CTNNA2: variants seen among roughly 807,000 people sequenced by gnomAD.
CTNNA2 encodes catenin alpha 2.
CTNNA2 carries 42 observed loss-of-function variants against 101.0 expected under a neutral mutation model. The observed-to-expected ratio is 0.42, with a 90% CI of 0.32 to 0.54. The LOEUF is 0.54. CTNNA2 is among the 20% of genes least tolerant of loss of function. The pLI is 0.14. For synonymous variants in CTNNA2, 450 were observed against 456.4 expected (o/e 0.99, Z 0.18); for missense variants, 871 against 1,223.1 (o/e 0.71, Z 4.29).
At chr2:80,456,201 T>C (rs1338716148) in intron 9 of CTNNA2, among the ~76,000 whole-genome samples, 1 of 152,204 alleles carries the variant, frequency 6.6e-6, no homozygotes, top group Non-Finnish European at 1.5e-5. Flanking sequence ...ATTGGTGACA[T>C]GGAGTACCCG....
At chr2:80,204,731 T>C (rs1326570057) in intron 7 of CTNNA2, among the ~76,000 whole-genome samples, 3 of 152,188 alleles carry the variant, frequency 2.0e-5, no homozygotes, top group African/African-American at 7.2e-5. Context: ...TTTTTGGGTA[T>C]CTTTTCAGCA....
At chr2:80,119,363 C>T (rs1048894111) in intron 7 of CTNNA2, among the ~76,000 whole-genome samples, 1 of 152,090 alleles carries the variant, frequency 6.6e-6, no homozygotes, top group African/African-American at 2.4e-5. Context: ...TGCAGAGGGA[C>T]AGGGATTGGG....
At chr2:79,863,398 T>A (rs1039057084) in intron 4 of CTNNA2, among the ~76,000 whole-genome samples, 1 of 152,148 alleles carries the variant, frequency 6.6e-6, no homozygotes, top group Non-Finnish European at 1.5e-5. Flanking sequence ...TTGGGTCTCA[T>A]TGAACTAAAT....
intron 7 of CTNNA2, among the ~76,000 whole-genome samples, chr2:80,248,355 G>T (rs1671497380): frequency 6.6e-6 from 1 of 152,130 alleles, no homozygotes; most frequent in African/African-American, 2.4e-5. Flanking sequence ...TCAATCTCCT[G>T]CCAGAGGAAA....
chr2:79,747,846 T>C (rs1433113823), intron 3 of CTNNA2, among the ~76,000 whole-genome samples: 1 of 152,234 alleles, frequency 6.6e-6, no homozygotes, highest in Non-Finnish European at 1.5e-5. Context: ...ATCAGAAATG[T>C]TGTCTACGTG....
intron 2 of CTNNA2, chr2:79,687,431 T>A: frequency 2.0e-6 from 1 of 495,424 alleles, no homozygotes; most frequent in Non-Finnish European, 3.5e-6. Flanking sequence ...CCATAAAAGG[T>A]CATTTGGATC....
At chr2:80,440,016 A>G (rs1364228925) in intron 9 of CTNNA2, among the ~76,000 whole-genome samples, 5 of 152,222 alleles carry the variant, frequency 3.3e-5, no homozygotes, top group Admixed American at 2.6e-4. Context: ...ATAAATATAT[A>G]ACTTATGTAA....
chr2:80,295,206 T>C (rs1675633536), intron 7 of CTNNA2, among the ~76,000 whole-genome samples: 1 of 149,786 alleles, frequency 6.7e-6, no homozygotes, highest in Admixed American at 6.7e-5. Context: ...TAGTATGTCA[T>C]TTTGAGAGTC....
At chr2:80,306,227 G>A (rs1676931957) in intron 7 of CTNNA2, among the ~76,000 whole-genome samples, 1 of 152,150 alleles carries the variant, frequency 6.6e-6, no homozygotes, top group Non-Finnish European at 1.5e-5. Flanking sequence ...AAATGTCCTA[G>A]ACATCACATG....
intron 3 of CTNNA2, among the ~76,000 whole-genome samples, chr2:79,756,971 A>G (rs2105062580): frequency 6.6e-6 from 1 of 152,356 alleles, no homozygotes; most frequent in East Asian, 1.9e-4. Flanking sequence ...CAGATGCAAT[A>G]TGATATAGCC....
chr2:80,168,768 A>AT (rs991175969), intron 7 of CTNNA2, among the ~76,000 whole-genome samples: 6 of 151,314 alleles, frequency 4.0e-5, no homozygotes, highest in South Asian at 2.1e-4. Context: ...AGGTATATGT[A>AT]TTTTTTTTTC....
intron 3 of CTNNA2, among the ~76,000 whole-genome samples, chr2:79,764,911 AC>A (rs1673035537): frequency 6.6e-6 from 1 of 152,314 alleles, no homozygotes; most frequent in South Asian, 2.1e-4. Flanking sequence ...AAAGATGTGG[AC>A]CAAAACTTGA....
chr2:79,813,282 A>G (rs1350523173), intron 3 of CTNNA2, among the ~76,000 whole-genome samples: 1 of 152,208 alleles, frequency 6.6e-6, no homozygotes, highest in Admixed American at 6.5e-5. Flanking sequence ...GCAAAAATAG[A>G]CATCAGAAGG....
intron 4 of CTNNA2, among the ~76,000 whole-genome samples, chr2:79,428,545 G>T (rs972861168): frequency 6.6e-6 from 1 of 152,016 alleles, no homozygotes; most frequent in African/African-American, 2.4e-5. Flanking sequence ...AAATGAAGGT[G>T]GAGGTGGTAG....
intron 15 of CTNNA2, among the ~76,000 whole-genome samples, chr2:80,598,610 G>A (rs926170334): frequency 2.0e-5 from 3 of 152,110 alleles, no homozygotes; most frequent in Non-Finnish European, 1.5e-5. Flanking sequence ...ATTTGTAATA[G>A]TCCCACACTG....
At chr2:79,596,885 G>A (rs1305325661) in intron 1 of CTNNA2, among the ~76,000 whole-genome samples, 2 of 151,982 alleles carry the variant, frequency 1.3e-5, no homozygotes, top group African/African-American at 2.4e-5. Flanking sequence ...AATAAACAAA[G>A]TGATGTTCTG....
chr2:79,569,268 A>G (rs1221807238), intron 1 of CTNNA2, among the ~76,000 whole-genome samples: 1 of 152,100 alleles, frequency 6.6e-6, no homozygotes, highest in Non-Finnish European at 1.5e-5. Flanking sequence ...CTGTTCTCTC[A>G]GGGAGAGGTT....
chr2:79,318,366 G>GA (rs889170977), intron 3 of CTNNA2, among the ~76,000 whole-genome samples: 1 of 152,008 alleles, frequency 6.6e-6, no homozygotes, highest in Non-Finnish European at 1.5e-5. Context: ...GAAAAAAGAA[G>GA]AAAAAAATAC....
intron 5 of CTNNA2, among the ~76,000 whole-genome samples, chr2:79,505,801 A>T (rs1362926577): frequency 6.6e-6 from 1 of 152,218 alleles, no homozygotes; most frequent in Admixed American, 6.5e-5. Flanking sequence ...ATTACATTAT[A>T]TTGCATTTAT....
Sources: allele counts gnomAD v4.1 joint callset (sites outside exome capture counted in the v4.1 genomes callset), GRCh38; gene constraint gnomAD v4.1.1; transcripts MANE v1.5; gene names NCBI Gene and HGNC (gene_info 2026-07-23, HGNC 2026-07-21).